INTS6: variants seen among roughly 807,000 people sequenced by gnomAD.
The protein encoded by INTS6 is integrator complex subunit 6, also known as DEAD box protein.
In INTS6, 16 loss-of-function variants were observed where a neutral mutation model predicts 104.9. The observed-to-expected ratio is 0.15, with a 90% confidence interval of 0.10 to 0.23. The LOEUF is 0.23. Ranked by LOEUF, INTS6 falls within the 10% of genes least tolerant of loss-of-function variation. INTS6 has a pLI of 1.00. For missense variants in INTS6, 584 were observed against 1,062.8 expected, an observed-to-expected ratio of 0.55 and a Z score of 6.26; for synonymous variants, 324 against 358.7, an observed-to-expected ratio of 0.90 and a Z score of 1.09.
intron 11 of INTS6, 31 bp from the exon 12 acceptor site, chr13:51,378,485 A>C: frequency 7.0e-7 from 1 of 1,419,166 alleles, no homozygotes; most frequent in Non-Finnish European, 9.9e-7. Context: ...AATTATCTTG[A>C]TAAAATCTAA....
chr13:51,383,435 G>A lies in INTS6; in HGVS notation c.1074C>T (p.Tyr358=). 1 of 1,613,920 alleles carries A rather than the reference G, an allele frequency of 6.2e-7. No homozygotes were observed. The highest frequency in any genetic ancestry group is 8.5e-7 in the Non-Finnish European group (1 of 1,179,932). ...WQVYVSNSAK[Y]SELGHPFGYL... ...AACCAAAAGGATGACCAAGTTCACT[G>A]TATTTTGCACTATTGCTCACGTACA... The change falls in exon 9 of 18, where the codon TAC becomes TAT. Residue 358 remains tyrosine, a synonymous_variant. Coordinates refer to ENST00000311234, the MANE Select transcript of INTS6 (RefSeq NM_012141.3).
chr13:51,378,547 T>TA (rs1955980875), intron 11 of INTS6, 93 bp from the exon 12 acceptor site: 5 of 672,398 alleles, frequency 7.4e-6, no homozygotes, highest in Non-Finnish European at 6.6e-6. Flanking sequence ...TAAATATATA[T>TA]TTTTTAAGTA....
chr13:51,348,374 A>G, the INTS6 span: 1 of 1,613,900 alleles, frequency 6.2e-7, no homozygotes, highest in Non-Finnish European at 8.5e-7. Context: ...CTGGACCACC[A>G]GCCTGAGGAG....
chr13:51,429,144 G>A (rs1019309684), intron 4 of INTS6, among the ~76,000 whole-genome samples: 2 of 152,072 alleles, frequency 1.3e-5, no homozygotes, highest in East Asian at 3.9e-4. Flanking sequence ...CAAAGACTAG[G>A]ACCCACATGC....
intron 9 of INTS6, among the ~76,000 whole-genome samples, chr13:51,382,828 G>A (rs1956077485): frequency 6.6e-6 from 1 of 152,202 alleles, no homozygotes. Flanking sequence ...TGTAATCCCA[G>A]CACTTTGGGA....
At chr13:51,419,896 C>T (rs770507325) in intron 4 of INTS6, among the ~76,000 whole-genome samples, 13 of 152,164 alleles carry the variant, frequency 8.5e-5, no homozygotes, top group Non-Finnish European at 1.0e-4. Flanking sequence ...TATACACCAG[C>T]GATCAGCAAA....
At chr13:51,423,344 ATGTG>A (rs139211504) in intron 4 of INTS6, among the ~76,000 whole-genome samples, 3,080 of 151,774 alleles carry the variant, frequency 0.02, 51 homozygotes, top group Non-Finnish European at 0.031. Context: ...GTGTGTGTGC[ATGTG>A]TGTGTGTATA....
intron 3 of INTS6, among the ~76,000 whole-genome samples, chr13:51,354,729 TA>T (rs1453309926): frequency 6.6e-6 from 1 of 152,200 alleles, no homozygotes; most frequent in Admixed American, 6.5e-5. Flanking sequence ...AATGGGGCTT[TA>T]AGAACCAAAG....
intron 4 of INTS6, among the ~76,000 whole-genome samples, chr13:51,404,150 T>C (rs557123368): frequency 6.7e-6 from 1 of 148,276 alleles, no homozygotes; most frequent in Admixed American, 6.7e-5. Context: ...GATGCACACC[T>C]GCAGTCCCAG....
chr13:51,420,866 T>C (rs1162848763), intron 4 of INTS6, among the ~76,000 whole-genome samples: 2 of 151,938 alleles, frequency 1.3e-5, no homozygotes, highest in African/African-American at 4.8e-5. Flanking sequence ...CAACAGATAC[T>C]AACCTAAAGC....
In INTS6 at chr13:51,378,406, C is replaced by A. The variant is rs763649675; in HGVS notation, c.1435G>T (p.Val479Leu). The A allele has an allele frequency of 6.2e-7, 1 of 1,613,346 alleles. No homozygotes were observed. The highest frequency in any genetic ancestry group is 8.5e-7 in the Non-Finnish European group (1 of 1,179,462). The change falls in exon 12 of 18, where the codon GTA becomes TTA. Residue 479 changes from valine (V) to leucine (L), a missense_variant. Around this residue, in one of 5 missense-constraint regions of INTS6, gnomAD observed 74 missense variants for 64.4 expected, o/e 1.15. Coordinates refer to ENST00000311234, the MANE Select transcript of INTS6 (RefSeq NM_012141.3). ...RVIGSVGKKV[V>L]QETGIKVRSR... The stretch of plus-strand genomic sequence containing the variant: ...CGGACTTTTATTCCAGTCTCCTGTA[C>A]TACTTTTTTGCCTACAGATCCAATG...
At chr13:51,366,406 T>A (rs1309527655) in intron 17 of INTS6, among the ~76,000 whole-genome samples, 2 of 151,972 alleles carry the variant, frequency 1.3e-5, no homozygotes, top group Admixed American at 1.3e-4. Context: ...CAGTTAAAGT[T>A]CAAGTAACAA....
At chr13:51,444,131 G>T (rs1436857204) in intron 3 of INTS6, 1 of 152,474 alleles carries the variant, frequency 6.6e-6, no homozygotes, top group Non-Finnish European at 1.5e-5. Flanking sequence ...AAGTTGGAGT[G>T]CAGTGGCACC....
rs539071437 is a variant in INTS6, at chr13:51,381,944, A to AC, written c.1275+84dup. ...TCTTGATCTCCTGACCTCATGATCCACCCGCCTCGGCCTCCCAAAGTGCTG... is the reference window on the plus strand; with the variant it reads ...TCTTGATCTCCTGACCTCATGATCCACCCCGCCTCGGCCTCCCAAAGTGCTG... On this transcript the variant is annotated intron_variant, in intron 10 of 17. Transcript: ENST00000311234. 57 of 703,482 alleles carry AC rather than the reference A, an allele frequency of 8.1e-5. No homozygotes were observed. In the African/African-American group the frequency reaches 8.9e-4, roughly 11 times the overall value. 43.6% of individuals were successfully genotyped at this position (703,482 alleles called of 1,614,324 possible).
At chr13:51,336,198 A>G in the INTS6 span, among the ~76,000 whole-genome samples, 1 of 152,254 alleles carries the variant, frequency 6.6e-6, no homozygotes, top group East Asian at 1.9e-4. Context: ...ATTTAAAAAC[A>G]TACTTCCAGT....
chr13:51,434,061 A>C (rs1312580688), intron 3 of INTS6, among the ~76,000 whole-genome samples: 1 of 152,224 alleles, frequency 6.6e-6, no homozygotes, highest in Admixed American at 6.5e-5. Flanking sequence ...CAGCTGCTAA[A>C]TTCTCTTGGA....
the INTS6 span, chr13:51,348,348 C>T: frequency 4.3e-6 from 7 of 1,613,968 alleles, no homozygotes; most frequent in Non-Finnish European, 5.9e-6. Context: ...CACCTCACAG[C>T]CAGCACCATC....
chr13:51,387,569 G>T, intron 6 of INTS6, 29 bp from the exon 7 acceptor site: 1 of 1,575,862 alleles, frequency 6.3e-7, no homozygotes, highest in Non-Finnish European at 8.6e-7. Flanking sequence ...GACAAAGAAA[G>T]CATATATCAT....
chr13:51,381,540 T>G lies in INTS6; in HGVS notation c.1275+489A>C, dbSNP rs535042695. On this transcript the variant is annotated intron_variant, in intron 10 of 17. Transcript: ENST00000311234. ...ATAAATGTTCTCATGATCATGATCA[T>G]CATCACTACTCTGCAAATCACTGAA... is the stretch of plus-strand genomic sequence containing the variant. 5.4e-4 allele frequency among the ~76,000 whole-genome samples: 83 copies of G among 152,304 alleles called. 2 individuals carry two copies. The South Asian group carries it at 0.017, about 32-fold the overall frequency.
Sources: allele counts gnomAD v4.1 joint callset (sites outside exome capture counted in the v4.1 genomes callset), GRCh38; gene constraint gnomAD v4.1.1; regional missense constraint gnomAD v4.1.1; transcripts MANE v1.5; gene names NCBI Gene and HGNC (gene_info 2026-07-23, HGNC 2026-07-21).